The following TTC6 variants were observed in gnomAD, a reference collection of about 807,000 sequenced individuals.
The protein encoded by TTC6 is tetratricopeptide repeat domain 6.
In TTC6, 172 loss-of-function variants were observed where a neutral mutation model predicts 210.4. That is an observed-to-expected ratio of 0.82 (90% confidence interval 0.72 to 0.93). The LOEUF (loss-of-function observed/expected upper bound fraction) is 0.93, where lower values mean the gene tolerates loss of function less well. TTC6 is among the 40% of genes least tolerant of loss of function. The pLI is 0.00. For synonymous variants in TTC6, 804 were observed against 819.6 expected, an observed-to-expected ratio of 0.98 and a Z score of 0.32; for missense variants, 2,414 against 2,318.1, an observed-to-expected ratio of 1.04 and a Z score of -0.85.
At chr14:37,751,694 CTATT>C (rs554120087) in intron 13 of TTC6, among the ~76,000 whole-genome samples, 194 of 152,192 alleles carry the variant, frequency 1.3e-3, no homozygotes, top group Non-Finnish European at 2.4e-3. Flanking sequence ...TTGCTTGAAA[CTATT>C]TATTTACTAT....
chr14:37,752,138 T>C (rs868081835), intron 13 of TTC6, among the ~76,000 whole-genome samples: 2 of 152,120 alleles, frequency 1.3e-5, no homozygotes, highest in Non-Finnish European at 2.9e-5. Flanking sequence ...AAATGAACTT[T>C]TAACTGAACC....
chr14:37,827,667 TA>T, intron 29 of TTC6: 1 of 229,988 alleles, frequency 4.3e-6, no homozygotes, highest in South Asian at 1.0e-4. Flanking sequence ...CGCACATATT[TA>T]AAATGTACGA....
intron 1 of TTC6, among the ~76,000 whole-genome samples, chr14:37,679,219 T>C (rs921806389): frequency 3.3e-5 from 5 of 151,842 alleles, no homozygotes; most frequent in Admixed American, 1.3e-4. Context: ...AAGTCTCTGT[T>C]TCAAAAAAAA....
intron 3 of TTC6, among the ~76,000 whole-genome samples, chr14:37,694,615 A>G (rs1187275396): frequency 6.6e-6 from 1 of 152,198 alleles, no homozygotes; most frequent in East Asian, 1.9e-4. Flanking sequence ...TCAAAGGGAT[A>G]TCTGCACTTC....
chr14:37,687,633 A>G (rs965550750), intron 3 of TTC6, among the ~76,000 whole-genome samples: 5 of 152,142 alleles, frequency 3.3e-5, no homozygotes, highest in African/African-American at 1.2e-4. Context: ...TGCGTCTTAC[A>G]TACCGAGCTC....
chr14:37,659,559 C>T (rs1185634243), intron 1 of TTC6, among the ~76,000 whole-genome samples: 3 of 151,542 alleles, frequency 2.0e-5, no homozygotes. Context: ...TGGAGTTTCA[C>T]TCTTGTTGCC....
At chr14:37,744,584 A>T (rs1185355380) in intron 10 of TTC6, among the ~76,000 whole-genome samples, 1 of 152,210 alleles carries the variant, frequency 6.6e-6, no homozygotes, top group Non-Finnish European at 1.5e-5. Context: ...GGTGGAAAGA[A>T]GCGAGGTTGA....
chr14:37,695,349 A>ATTAT (rs148933438), intron 3 of TTC6, among the ~76,000 whole-genome samples: 8,625 of 151,850 alleles, frequency 0.057, 372 homozygotes, highest in Non-Finnish European at 0.089. Context: ...ATAGTCAGTA[A>ATTAT]TTATTTATTT....
intron 3 of TTC6, among the ~76,000 whole-genome samples, chr14:37,690,531 A>G (rs1340492132): frequency 2.6e-5 from 4 of 152,172 alleles, no homozygotes; most frequent in African/African-American, 9.7e-5. Context: ...ACAGGGATGG[A>G]AAAAGATATT....
intron 1 of TTC6, among the ~76,000 whole-genome samples, chr14:37,674,650 T>C (rs1219420231): frequency 1.3e-5 from 2 of 152,150 alleles, no homozygotes; most frequent in Admixed American, 1.3e-4. Context: ...GCTTTATCAT[T>C]CCACCTTCCA....
At chr14:37,704,840 A>G (rs2138700760) in intron 5 of TTC6, among the ~76,000 whole-genome samples, 1 of 152,210 alleles carries the variant, frequency 6.6e-6, no homozygotes, top group Middle Eastern at 3.4e-3. Context: ...TTTCCTTTGG[A>G]AAAAATTAAA....
intron 5 of TTC6, among the ~76,000 whole-genome samples, chr14:37,712,182 T>G (rs1405340304): frequency 2.0e-5 from 3 of 152,148 alleles, no homozygotes; most frequent in South Asian, 2.1e-4. Context: ...CAATCCATAT[T>G]TCTGTTTATT....
At chr14:37,829,810 A>G (rs2096180416) in intron 29 of TTC6, among the ~76,000 whole-genome samples, 2 of 152,102 alleles carry the variant, frequency 1.3e-5, no homozygotes, top group South Asian at 4.1e-4. Flanking sequence ...CTGTGGGTTC[A>G]CTTGGGCAAC....
At chr14:37,722,354 T>C (rs2095863560) in intron 6 of TTC6, among the ~76,000 whole-genome samples, 1 of 152,162 alleles carries the variant, frequency 6.6e-6, no homozygotes, top group South Asian at 2.1e-4. Context: ...GGAACCAATT[T>C]ACCATGGTTA....
intron 1 of TTC6, among the ~76,000 whole-genome samples, chr14:37,651,417 ATATATATATTTTTTTTTTTTTTTTTT>A (rs1310899243): frequency 9.9e-5 from 2 of 20,256 alleles, no homozygotes; most frequent in East Asian, 1.6e-3. Context: ...ATATATATAT[ATATATATATTTTTTTTTTTTTTTTTT>A]TTTTTTTTTT....
chr14:37,711,127 G>C (rs371916248), intron 5 of TTC6, among the ~76,000 whole-genome samples: 2 of 152,128 alleles, frequency 1.3e-5, no homozygotes, highest in Non-Finnish European at 1.5e-5. Context: ...GAACTACCCA[G>C]CATCTCCTGC....
chr14:37,752,619 CTGTT>C (rs2095955656), intron 13 of TTC6, among the ~76,000 whole-genome samples: 1 of 151,428 alleles, frequency 6.6e-6, no homozygotes, highest in South Asian at 2.1e-4. Context: ...ATGATTTAGT[CTGTT>C]TATTACTTTG....
At chr14:37,802,532 T>C (rs781557168) in intron 20 of TTC6, 2 of 152,032 alleles carry the variant, frequency 1.3e-5, no homozygotes, top group Non-Finnish European at 2.9e-5. Context: ...AACCGACACA[T>C]TGATAGCAGC....
At chr14:37,642,717 C>T (rs1379340559) in intron 1 of TTC6, among the ~76,000 whole-genome samples, 2 of 152,150 alleles carry the variant, frequency 1.3e-5, no homozygotes, top group African/African-American at 4.8e-5. Flanking sequence ...ATTGTATGAA[C>T]ATTGTAGTGT....
Sources: gnomAD v4.1 joint callset for allele counts (sites outside exome capture counted in the v4.1 genomes callset) on GRCh38, gnomAD v4.1.1 for gene constraint, MANE v1.5 for transcripts, NCBI Gene and HGNC (gene_info 2026-07-23, HGNC 2026-07-21) for gene names.